SPSB1: variants seen among roughly 807,000 people sequenced by gnomAD.
SPSB1 encodes splA/ryanodine receptor domain and SOCS box containing 1.
Under a neutral mutation model 21.2 loss-of-function variants are expected in SPSB1, and 8 were observed. The observed-to-expected ratio is 0.38, with a 90% confidence interval of 0.22 to 0.68. The LOEUF (loss-of-function observed/expected upper bound fraction) is 0.68. Among genes scored for constraint, SPSB1 ranks in the 30% least tolerant of loss-of-function variants. The pLI is 0.53. For synonymous variants in SPSB1, 169 were observed against 161.7 expected (o/e 1.05, Z -0.34); for missense variants, 242 against 377.8 (o/e 0.64, Z 2.98).
At chr1:9,361,223 A>G (rs1365089135) in intron 2 of SPSB1, among the ~76,000 whole-genome samples, 3 of 128,842 alleles carry the variant, frequency 2.3e-5, no homozygotes, top group Non-Finnish European at 4.7e-5. Flanking sequence ...CTGGTCTCAA[A>G]CTCCTGGGCT....
rs1356539246 is a variant in SPSB1 at position 9,348,783 on chromosome 1, C to T, written c.-149-6960C>T. 1.4e-5 allele frequency among the ~76,000 whole-genome samples: 2 copies of T among 144,202 alleles called. No homozygotes were observed. The highest frequency in any genetic ancestry group is 1.4e-4 in the Admixed American group (2 of 14,516). 94.6% of individuals were successfully genotyped at this position (144,202 alleles called of 152,430 possible). A position where few individuals can be genotyped will look rare whatever the true frequency, so the allele number is the denominator to read the frequency against. On this transcript the variant is annotated intron_variant, in intron 1 of 2. Coordinates refer to ENST00000328089, the MANE Select transcript of SPSB1 (RefSeq NM_025106.4). This position sits in a 1 kb window ranked among gnomAD's most constrained non-coding sequence, Gnocchi z 4.8. The stretch of plus-strand genomic sequence containing the variant: ...TTTCAGAAGCTCATCTGCTTAGAGC[C>T]CAGGCTGCCACCGAGAAATCCAGTA...
Position 9,367,577 on chromosome 1 carries a change from G to T in SPSB1, c.*2G>T, listed in dbSNP as rs751759865. On this transcript the variant is annotated 3_prime_UTR_variant, in exon 3 of 3. Transcript: ENST00000328089. The surrounding 1 kb of genome is among the most constrained non-coding windows in gnomAD (Gnocchi z 5.9). ...AAGGCCTACCTCCTCTACCAGTGAC[G>T]TTCGCCATCATACCGCCAGCGCGAC... The T allele has an allele frequency of 6.2e-7, 1 of 1,604,156 alleles. No individual in the cohort carries two copies. Among genetic ancestry groups the T allele is most frequent in the Non-Finnish European group, 8.5e-7 (1 of 1,173,722 alleles).
chr1:9,316,636 G>A (rs577254773), intron 1 of SPSB1, among the ~76,000 whole-genome samples: 21 of 152,174 alleles, frequency 1.4e-4, no homozygotes, highest in East Asian at 3.9e-4. Flanking sequence ...GAGCCCACCC[G>A]TTCCCGCCAT....
At chr1:9,303,163 AGT>A (rs1301139294) in intron 1 of SPSB1, among the ~76,000 whole-genome samples, 1 of 152,176 alleles carries the variant, frequency 6.6e-6, no homozygotes, top group Non-Finnish European at 1.5e-5. Context: ...GGCAAGGAAG[AGT>A]GTGTCTGGAG....
In SPSB1 at chr1:9,292,941, G is replaced by A. The variant is rs1364461473; in HGVS notation, c.-280G>A. 5.6e-6 allele frequency: 5 copies of A among 886,770 alleles called. No individual in the cohort carries two copies. The African/African-American group carries it at 1.8e-4, about 32-fold the overall frequency. The allele number at this position is 886,770 out of a possible 1,614,324, so 54.9% of individuals were successfully genotyped here. Reference sequence around the variant, plus strand: ...GCCTGCGCGCTCGCAGCAGGAACCAGGCTCCAGGCGCCGGCGCCGGGGCCG... The same window carrying A: ...GCCTGCGCGCTCGCAGCAGGAACCAAGCTCCAGGCGCCGGCGCCGGGGCCG... On this transcript the variant is annotated 5_prime_UTR_variant, in exon 1 of 3. Transcript: ENST00000328089.
At chr1:9,343,340 G>T (rs551699199) in intron 1 of SPSB1, among the ~76,000 whole-genome samples, 1 of 150,314 alleles carries the variant, frequency 6.7e-6, no homozygotes, top group East Asian at 2.0e-4. Context: ...TCATTTCGTC[G>T]AAAGGGAATC....
At chr1:9,304,490 C>G (rs2100463619) in intron 1 of SPSB1, among the ~76,000 whole-genome samples, 1 of 152,302 alleles carries the variant, frequency 6.6e-6, no homozygotes, top group East Asian at 1.9e-4. Context: ...GAAGCTGGAG[C>G]TGGAAGGCCA....
chr1:9,367,414 G>A lies in SPSB1; in HGVS notation c.695-34G>A, dbSNP rs116283725. On this transcript the variant is annotated intron_variant, in intron 2 of 2. Transcript: ENST00000328089. This position sits in a 1 kb window ranked among gnomAD's most constrained non-coding sequence, Gnocchi z 5.9. ...CGCTGTTTGCTGAACACCCACCCAA[G>A]CTGCGCTGACCTGCAGTTTCTCTGT... is the stretch of plus-strand genomic sequence containing the variant. 2.5e-6 allele frequency: 4 copies of A among 1,612,542 alleles called. No homozygotes were observed. In the African/African-American group the frequency reaches 5.3e-5, roughly 22 times the overall value.
At chr1:9,337,618 TG>T (rs1322917276) in intron 1 of SPSB1, among the ~76,000 whole-genome samples, 1 of 151,926 alleles carries the variant, frequency 6.6e-6, no homozygotes, top group African/African-American at 2.4e-5. Flanking sequence ...CTTGCTGAGG[TG>T]GGGTCCCCAG....
rs1322686151 is a variant in SPSB1, at chr1:9,356,152, CA to C, written c.262del (p.Arg88GlyfsTer19). 1 of 1,589,318 alleles carries C rather than the reference CA, an allele frequency of 6.3e-7. No individual in the cohort carries two copies. The highest frequency in any genetic ancestry group is 8.6e-7 in the Non-Finnish European group (1 of 1,164,388). ...HPVAQSTDAI[R>X]GKVGYTRGLH... ...CGGTGGCCCAGAGCACGGACGCTAT[CA>C]GGGGCAAAGTCGGGTATACCCGTGG... On this transcript the variant is annotated frameshift_variant, in exon 2 of 3. Coordinates refer to ENST00000328089, the MANE Select transcript of SPSB1 (RefSeq NM_025106.4). LOFTEE classifies it high-confidence loss of function. The surrounding 1 kb of genome is among the most constrained non-coding windows in gnomAD (Gnocchi z 7.4).
intron 1 of SPSB1, among the ~76,000 whole-genome samples, chr1:9,303,721 C>G (rs1639368913): frequency 6.6e-6 from 1 of 152,168 alleles, no homozygotes; most frequent in South Asian, 2.1e-4. Flanking sequence ...ATAGGTGGAA[C>G]TATGACCTTG....
In SPSB1 at chr1:9,369,226, G is replaced by A. The variant is rs555658207; in HGVS notation, c.*1651G>A. ...GACGGTTTTTTTTTTCGGGGCAGGGGACCTTACCTGTAAGACTTTTAAAGA... is the reference window on the plus strand; with the variant it reads ...GACGGTTTTTTTTTTCGGGGCAGGGAACCTTACCTGTAAGACTTTTAAAGA... On this transcript the variant is annotated 3_prime_UTR_variant, in exon 3 of 3. Coordinates refer to ENST00000328089, the MANE Select transcript of SPSB1 (RefSeq NM_025106.4). 1 of 151,958 alleles carries A rather than the reference G, an allele frequency of 6.6e-6. No individual in the cohort carries two copies. Among genetic ancestry groups the A allele is most frequent in the Non-Finnish European group, 1.5e-5 (1 of 67,904 alleles). The allele number at this position is 151,958 out of a possible 1,614,324, so 9.4% of individuals were successfully genotyped here.
intron 1 of SPSB1, among the ~76,000 whole-genome samples, chr1:9,347,717 C>T (rs779077190): frequency 7.6e-6 from 1 of 131,230 alleles, no homozygotes. Context: ...CTGTCCCCAG[C>T]ATCTTCATCC....
chr1:9,308,829 C>A (rs1046710312), intron 1 of SPSB1, among the ~76,000 whole-genome samples: 2 of 152,130 alleles, frequency 1.3e-5, no homozygotes, highest in Admixed American at 6.5e-5. Flanking sequence ...TTTTTTTCTA[C>A]TGCGACAGTG....
At chr1:9,298,657 G>A (rs747103093) in intron 1 of SPSB1, among the ~76,000 whole-genome samples, 6 of 152,180 alleles carry the variant, frequency 3.9e-5, no homozygotes, top group Non-Finnish European at 2.9e-5. Flanking sequence ...ACTGATTCCA[G>A]GAAACCAAAA....
At chr1:9,316,361 G>C (rs192313891) in intron 1 of SPSB1, among the ~76,000 whole-genome samples, 1 of 152,162 alleles carries the variant, frequency 6.6e-6, no homozygotes, top group Non-Finnish European at 1.5e-5. Flanking sequence ...ACAGCCCCTG[G>C]GGCACAAGGG....
In SPSB1 at chr1:9,328,627, G is replaced by A. The variant is rs1327499466; in HGVS notation, c.-149-27116G>A. Among the ~76,000 whole-genome samples, 5 of 152,232 alleles carry A rather than the reference G, an allele frequency of 3.3e-5. No homozygotes were observed. In the East Asian group the frequency reaches 9.6e-4, roughly 29 times the overall value. ...TGAGTGTGTTGGGGTGAGCACCAACGCCCCACCCACTGCCTCCCTCTGGCC... is the reference window on the plus strand; with the variant it reads ...TGAGTGTGTTGGGGTGAGCACCAACACCCCACCCACTGCCTCCCTCTGGCC... On this transcript the variant is annotated intron_variant, in intron 1 of 2. Transcript: ENST00000328089.
chr1:9,342,144 A>G (rs1346673178), intron 1 of SPSB1, among the ~76,000 whole-genome samples: 1 of 152,226 alleles, frequency 6.6e-6, no homozygotes, highest in Non-Finnish European at 1.5e-5. Flanking sequence ...GACTCAGAGC[A>G]CAGGCCTCAG....
chr1:9,359,363 C>G (rs1557466562), intron 2 of SPSB1, among the ~76,000 whole-genome samples: 3 of 152,218 alleles, frequency 2.0e-5, no homozygotes, highest in Non-Finnish European at 4.4e-5. Flanking sequence ...ACCCGCTTAA[C>G]CCGACACCTC....
Sources: allele counts gnomAD v4.1 joint callset (sites outside exome capture counted in the v4.1 genomes callset), GRCh38; gene constraint gnomAD v4.1.1; non-coding constraint Gnocchi (gnomAD v3.1); transcripts MANE v1.5; gene names NCBI Gene and HGNC (gene_info 2026-07-23, HGNC 2026-07-21).